The following CHRNA7 variants were observed in gnomAD, a reference collection of about 807,000 sequenced individuals.
CHRNA7 encodes neuronal acetylcholine receptor subunit alpha-7.
In CHRNA7, 17 loss-of-function variants were observed where a neutral mutation model predicts 48.0. The observed-to-expected ratio is 0.35, with a 90% confidence interval of 0.24 to 0.53. CHRNA7 has a LOEUF of 0.53. Ranked by LOEUF, CHRNA7 falls within the 20% of genes least tolerant of loss-of-function variation. The pLI is 0.92. For synonymous variants in CHRNA7, 75 were observed against 242.3 expected (o/e 0.31, Z 6.41); for missense variants, 155 against 577.7 (o/e 0.27, Z 7.50).
intron 2 of CHRNA7, among the ~76,000 whole-genome samples, chr15:32,089,228 C>A (rs1022784058): frequency 4.6e-5 from 7 of 152,252 alleles, no homozygotes; most frequent in African/African-American, 1.7e-4. Context: ...ACTATTCTTT[C>A]TGCTCTGCTC....
chr15:32,156,932 A>G (rs983955790), intron 5 of CHRNA7: 4 of 48,396 alleles, frequency 8.3e-5, no homozygotes, highest in Non-Finnish European at 1.8e-4. Flanking sequence ...CACCTCACCC[A>G]GCTAATTTTT....
chr15:32,136,901 G>A (rs2651420), intron 4 of CHRNA7, among the ~76,000 whole-genome samples: 3 of 147,962 alleles, frequency 2.0e-5, no homozygotes, highest in Non-Finnish European at 4.5e-5. Context: ...GCGTGGTGGC[G>A]GGCGCCTGTA....
rs534285893 is a variant in CHRNA7 at position 32,032,984 on chromosome 15, T to C, written c.195+1947T>C. Among the ~76,000 whole-genome samples, 5 of 152,334 alleles carry C rather than the reference T, an allele frequency of 3.3e-5. No homozygotes were observed. The East Asian group carries it at 9.6e-4, about 29-fold the overall frequency. ...ACTACATGAACATTTAAAATAACTT[T>C]TGTCATGTTAGAAAATTACAAAAAT... On this transcript the variant is annotated intron_variant, in intron 2 of 9. Transcript: ENST00000306901.
intron 2 of CHRNA7, among the ~76,000 whole-genome samples, chr15:32,080,511 C>T (rs2050199324): frequency 1.3e-5 from 2 of 152,046 alleles, no homozygotes; most frequent in African/African-American, 2.4e-5. Context: ...CAAAAGAAGA[C>T]ATTTATGTGG....
intron 2 of CHRNA7, among the ~76,000 whole-genome samples, chr15:32,047,706 A>G (rs2049579300): frequency 6.6e-6 from 1 of 152,126 alleles, no homozygotes; most frequent in Non-Finnish European, 1.5e-5. Context: ...TTCCAACACT[A>G]TGTTGAATAG....
chr15:32,143,083 A>T, intron 4 of CHRNA7, among the ~76,000 whole-genome samples: 1 of 152,008 alleles, frequency 6.6e-6, no homozygotes, highest in East Asian at 1.9e-4. Flanking sequence ...TCTACACACT[A>T]CTTTGAATGT....
intron 2 of CHRNA7, among the ~76,000 whole-genome samples, chr15:32,041,334 CATGGT>C (rs1353541903): frequency 6.6e-6 from 1 of 152,194 alleles, no homozygotes; most frequent in Non-Finnish European, 1.5e-5. Context: ...TGTCGGGGGC[CATGGT>C]TTTGGGATGA....
intron 2 of CHRNA7, among the ~76,000 whole-genome samples, chr15:32,042,448 A>T (rs1379491094): frequency 6.6e-6 from 1 of 152,166 alleles, no homozygotes; most frequent in African/African-American, 2.4e-5. Context: ...CCTCTGGTGG[A>T]AGGATGAGGG....
intron 2 of CHRNA7, among the ~76,000 whole-genome samples, chr15:32,097,449 C>T (rs987402558): frequency 5.3e-5 from 8 of 152,240 alleles, no homozygotes; most frequent in East Asian, 3.9e-4. Context: ...AGACCTCCCG[C>T]GCCCCTTCCA....
At chr15:32,066,501 C>T (rs375814976) in intron 2 of CHRNA7, among the ~76,000 whole-genome samples, 4 of 152,078 alleles carry the variant, frequency 2.6e-5, no homozygotes, top group African/African-American at 7.2e-5. Context: ...AGGATGGTCT[C>T]GATCTCTTGA....
At chr15:32,077,452 A>G (rs1052922679) in intron 2 of CHRNA7, among the ~76,000 whole-genome samples, 1 of 152,194 alleles carries the variant, frequency 6.6e-6, no homozygotes, top group African/African-American at 2.4e-5. Context: ...TGTCCTTGCC[A>G]GCATTTGGTG....
chr15:32,097,415 G>A (rs538692032), intron 2 of CHRNA7, among the ~76,000 whole-genome samples: 1 of 152,166 alleles, frequency 6.6e-6, no homozygotes, highest in South Asian at 2.1e-4. Context: ...ATGATGGATG[G>A]TCCCCATATA....
At chr15:32,049,650 G>A (rs1291958962) in intron 2 of CHRNA7, among the ~76,000 whole-genome samples, 3 of 151,968 alleles carry the variant, frequency 2.0e-5, no homozygotes, top group Non-Finnish European at 2.9e-5. Flanking sequence ...ATTTACATTT[G>A]AAGTTAATAT....
intron 4 of CHRNA7, among the ~76,000 whole-genome samples, chr15:32,123,997 C>A (rs543025869): frequency 5.2e-4 from 64 of 123,010 alleles, no homozygotes; most frequent in East Asian, 5.5e-4. Flanking sequence ...CTACAAAAAA[C>A]CAGAAAACAA....
rs1419518544 is a variant in CHRNA7, at chr15:32,133,005, A to G, written c.351-20902A>G. Among the ~76,000 whole-genome samples the G allele has an allele frequency of 3.3e-5, 5 of 152,122 alleles. No individual in the cohort carries two copies. The South Asian group carries it at 1.0e-3, about 32-fold the overall frequency. ...CTCTGGTGTGGACTTTGGGCATCCG[A>G]TTGTGTAGGAGGCTCTCAAGGCTGG... On this transcript the variant is annotated intron_variant, in intron 4 of 9. Coordinates refer to ENST00000306901, the MANE Select transcript of CHRNA7 (RefSeq NM_000746.6).
chr15:32,088,682 G>A (rs1383161190), intron 2 of CHRNA7, among the ~76,000 whole-genome samples: 2 of 152,288 alleles, frequency 1.3e-5, no homozygotes, highest in South Asian at 2.1e-4. Context: ...ATAACATGAT[G>A]TGAAGCATCT....
intron 2 of CHRNA7, among the ~76,000 whole-genome samples, chr15:32,092,006 T>C (rs1209361091): frequency 6.6e-6 from 1 of 152,212 alleles, no homozygotes. Context: ...TATCCTGGCA[T>C]ACTTAACTAG....
chr15:32,084,867 T>A (rs2050270492), intron 2 of CHRNA7, among the ~76,000 whole-genome samples: 1 of 151,226 alleles, frequency 6.6e-6, no homozygotes, highest in African/African-American at 2.4e-5. Flanking sequence ...AATTCTGCTC[T>A]TGTGGCCCAG....
intron 2 of CHRNA7, among the ~76,000 whole-genome samples, chr15:32,095,775 T>G (rs1011891280): frequency 6.6e-6 from 1 of 152,246 alleles, no homozygotes; most frequent in Non-Finnish European, 1.5e-5. Context: ...GCCCATACTT[T>G]GAAAACTTCT....
Sources: gnomAD v4.1 joint callset for allele counts (sites outside exome capture counted in the v4.1 genomes callset) on GRCh38, gnomAD v4.1.1 for gene constraint, MANE v1.5 for transcripts, NCBI Gene and HGNC (gene_info 2026-07-23, HGNC 2026-07-21) for gene names.